Variants in LRRC7 observed in about 807,000 individuals in gnomAD.
LRRC7 encodes leucine-rich repeat-containing protein 7.
Under a neutral mutation model 175.7 loss-of-function variants are expected in LRRC7, and 23 were observed. That is an observed-to-expected ratio of 0.13 (90% CI 0.09 to 0.19). The LOEUF is 0.19. LRRC7 is among the 10% of genes least tolerant of loss of function. The pLI, the probability that LRRC7 is intolerant of heterozygous loss-of-function variation, is 1.00. For missense variants in LRRC7, 1,354 were observed against 1,904.7 expected (o/e 0.71, Z 5.38); for synonymous variants, 685 against 680.9 (o/e 1.01, Z -0.09).
chr1:70,068,714 G>C (rs1662159007), intron 23 of LRRC7, among the ~76,000 whole-genome samples: 1 of 151,954 alleles, frequency 6.6e-6, no homozygotes, highest in Non-Finnish European at 1.5e-5. Flanking sequence ...GAATTGGTAT[G>C]AATTTTTCTT....
rs182796216 is a variant in LRRC7 at position 69,927,494 on chromosome 1, G to T, written c.648-4013G>T. On this transcript the variant is annotated intron_variant, in intron 7 of 26. Coordinates refer to ENST00000651989, the MANE Select transcript of LRRC7 (RefSeq NM_001370785.2). Reference sequence around the variant, plus strand: ...TCACATAGTCCCATATTTCTTGGAGGCTTTGTTCATTTCTTTTTATTCCTT... The same window carrying T: ...TCACATAGTCCCATATTTCTTGGAGTCTTTGTTCATTTCTTTTTATTCCTT... Among the ~76,000 whole-genome samples the T allele has an allele frequency of 6.7e-3, 1,027 of 152,244 alleles. 6 individuals carry two copies. The highest frequency in any genetic ancestry group is 9.4e-3 in the Non-Finnish European group (639 of 68,022).
intron 7 of LRRC7, among the ~76,000 whole-genome samples, chr1:69,842,649 T>C (rs1023743953): frequency 6.6e-6 from 1 of 152,096 alleles, no homozygotes; most frequent in Non-Finnish European, 1.5e-5. Flanking sequence ...TGGATGGATT[T>C]GGTAGATGAA....
intron 2 of LRRC7, among the ~76,000 whole-genome samples, chr1:69,752,878 G>T (rs1279416295): frequency 6.6e-6 from 1 of 152,094 alleles, no homozygotes; most frequent in Non-Finnish European, 1.5e-5. Flanking sequence ...AGAAAGAGAT[G>T]AATACCTGTT....
chr1:69,603,530 A>G (rs953399148), intron 1 of LRRC7, among the ~76,000 whole-genome samples: 3 of 152,208 alleles, frequency 2.0e-5, no homozygotes, highest in African/African-American at 7.2e-5. Context: ...TGTAATTCAT[A>G]TTAACTTGTA....
intron 8 of LRRC7, among the ~76,000 whole-genome samples, chr1:69,935,327 T>G (rs1647890780): frequency 6.6e-6 from 1 of 152,190 alleles, no homozygotes; most frequent in Non-Finnish European, 1.5e-5. Context: ...TTGAATAGAT[T>G]TAAAATTTTG....
chr1:69,975,896 T>G (rs980517738), intron 8 of LRRC7, among the ~76,000 whole-genome samples: 1 of 150,972 alleles, frequency 6.6e-6, no homozygotes, highest in Admixed American at 6.6e-5. Flanking sequence ...TTTACTCAGT[T>G]TTTTTTTTTG....
chr1:70,038,151 C>T lies in LRRC7; in HGVS notation c.2327C>T (p.Pro776Leu), dbSNP rs1371795931. ...PSFPQPLDSK[P>L]LLSQREAVPP... is the part of the protein sequence containing the mutation. ...TTCCCACAGCCTCTTGATTCAAAGC[C>T]ATTACTCAGCCAGCGGGAGGCTGTT... Residue 776 changes from proline (P) to leucine (L), a missense_variant, in exon 21 of 27, where the codon CCA becomes CTA. By Grantham distance (98) the Pro-to-Leu change is moderately conservative. This residue lies in a region of LRRC7 where 1,032 missense variants were observed against 1,227.2 expected (regional missense o/e 0.84). Transcript: ENST00000651989. 6 of 1,613,002 alleles carry T rather than the reference C, an allele frequency of 3.7e-6. No homozygotes were observed. Among genetic ancestry groups the T allele is most frequent in the Admixed American group, 1.7e-5 (1 of 59,934 alleles).
At chr1:69,709,628 A>T (rs1400789947) in intron 2 of LRRC7, among the ~76,000 whole-genome samples, 2 of 152,234 alleles carry the variant, frequency 1.3e-5, no homozygotes, top group Non-Finnish European at 2.9e-5. Context: ...CTATGAAAAG[A>T]GAATAAAGAT....
At chr1:69,919,863 C>G in intron 7 of LRRC7, 1 of 667,946 alleles carries the variant, frequency 1.5e-6, no homozygotes, top group Non-Finnish European at 2.7e-6. Context: ...CAGGCCTGGC[C>G]TCGGGGTTCC....
intron 7 of LRRC7, among the ~76,000 whole-genome samples, chr1:69,894,610 A>G (rs1645926602): frequency 6.6e-6 from 1 of 152,226 alleles, no homozygotes; most frequent in Admixed American, 6.5e-5. Flanking sequence ...TGGACAGATG[A>G]ATAAAAAATG....
At chr1:69,648,060 T>C (rs1655256271) in intron 1 of LRRC7, among the ~76,000 whole-genome samples, 1 of 152,182 alleles carries the variant, frequency 6.6e-6, no homozygotes, top group South Asian at 2.1e-4. Context: ...AATGATTCAA[T>C]AATTTTAATG....
chr1:69,661,067 G>C (rs1325913074), intron 1 of LRRC7, among the ~76,000 whole-genome samples: 5 of 151,986 alleles, frequency 3.3e-5, no homozygotes, highest in African/African-American at 7.2e-5. Context: ...TTGGGGTAAG[G>C]AACAGAAAAT....
At chr1:69,842,684 G>T (rs1017054125) in intron 7 of LRRC7, among the ~76,000 whole-genome samples, 5 of 152,102 alleles carry the variant, frequency 3.3e-5, no homozygotes, top group Admixed American at 2.6e-4. Flanking sequence ...GTTGGAAGAA[G>T]TTCTAAGTGG....
intron 2 of LRRC7, among the ~76,000 whole-genome samples, chr1:69,687,502 T>G (rs1363309536): frequency 2.4e-5 from 2 of 82,224 alleles, no homozygotes; most frequent in East Asian, 6.9e-4. Flanking sequence ...AAAGCAAGAC[T>G]CCATCTCAAG....
intron 7 of LRRC7, among the ~76,000 whole-genome samples, chr1:69,916,786 G>A (rs1249916753): frequency 3.3e-5 from 5 of 152,076 alleles, no homozygotes; most frequent in East Asian, 1.9e-4. Flanking sequence ...AGTTACTTGC[G>A]CTCACGGACT....
At chr1:69,770,259 A>G (rs1034753029) in intron 3 of LRRC7, among the ~76,000 whole-genome samples, 1 of 152,208 alleles carries the variant, frequency 6.6e-6, no homozygotes, top group Non-Finnish European at 1.5e-5. Context: ...AGCATCCTCT[A>G]ATATTCTACA....
intron 1 of LRRC7, among the ~76,000 whole-genome samples, chr1:69,601,805 C>T (rs148679280): frequency 2.4e-4 from 37 of 152,170 alleles, no homozygotes; most frequent in African/African-American, 7.7e-4. Flanking sequence ...AATATACATG[C>T]TCTTTTGAGG....
intron 1 of LRRC7, among the ~76,000 whole-genome samples, chr1:69,674,061 G>A (rs1478265367): frequency 6.6e-6 from 1 of 152,118 alleles, no homozygotes; most frequent in African/African-American, 2.4e-5. Flanking sequence ...AGGCTGGAGT[G>A]TAGTGGCATG....
chr1:69,987,920 C>T (rs1462811387), intron 10 of LRRC7, among the ~76,000 whole-genome samples: 1 of 152,168 alleles, frequency 6.6e-6, no homozygotes, highest in Non-Finnish European at 1.5e-5. Flanking sequence ...CATTTCTAGG[C>T]TTTGTCTCTT....
Sources: gnomAD v4.1 joint callset for allele counts (sites outside exome capture counted in the v4.1 genomes callset) on GRCh38, gnomAD v4.1.1 for gene constraint, gnomAD v4.1.1 regional missense constraint, MANE v1.5 for transcripts, NCBI Gene and HGNC (gene_info 2026-07-23, HGNC 2026-07-21) for gene names.